Variants in ABCA4 observed in about 807,000 individuals in gnomAD.
ABCA4 encodes ATP binding cassette subfamily A member 4.
Under a neutral mutation model 263.7 loss-of-function variants are expected in ABCA4, and 196 were observed. The ratio of observed to expected loss-of-function variants is 0.74; its 90% CI spans 0.66 to 0.84. The LOEUF (loss-of-function observed/expected upper bound fraction) is 0.84. Ranked by LOEUF, ABCA4 falls within the 40% of genes least tolerant of loss-of-function variation. ABCA4 has a pLI of 0.00. For synonymous variants in ABCA4, 1,133 were observed against 1,094.2 expected, an observed-to-expected ratio of 1.04 and a Z score of -0.70; for missense variants, 2,792 against 2,855.1, an observed-to-expected ratio of 0.98 and a Z score of 0.50.
In ABCA4 at chr1:94,060,677, T is replaced by C. The variant is rs759410405; in HGVS notation, c.2020A>G (p.Ile674Val). The change falls in exon 14 of 50, where the codon ATC (isoleucine) becomes GTC (valine). Residue 674 changes from isoleucine to valine, a missense_variant. Coordinates refer to ENST00000370225, the MANE Select transcript of ABCA4 (RefSeq NM_000350.3). ...IYSVSMTVKS[I>V]VLEKELRLKE... is the part of the protein sequence containing the mutation. ...AGTCGCAACTCCTTCTCCAAGACGA[T>C]GCTCTTCACAGTCATGGAGACAGAG... 1 of 1,614,076 alleles carries C rather than the reference T, an allele frequency of 6.2e-7. No homozygotes were observed. Among genetic ancestry groups the C allele is most frequent in the Admixed American group, 1.7e-5 (1 of 60,006 alleles).
chr1:94,062,979 T>C (rs1661172781), intron 12 of ABCA4, 133 bp downstream of exon 12: 1 of 1,101,028 alleles, frequency 9.1e-7, no homozygotes, highest in Non-Finnish European at 1.4e-6. Context: ...TTGAGCTTTA[T>C]AAAATATCTT....
chr1:93,994,435 A>G (rs974061379), intron 49 of ABCA4, among the ~76,000 whole-genome samples: 3 of 152,272 alleles, frequency 2.0e-5, no homozygotes, highest in Admixed American at 2.0e-4. Flanking sequence ...CAATGGCCAG[A>G]TGAACCTCCT....
At chr1:94,008,942 C>G in intron 40 of ABCA4, 71 bp from the exon 41 acceptor site, 1 of 1,583,538 alleles carries the variant, frequency 6.3e-7, no homozygotes, top group Non-Finnish European at 8.6e-7. Flanking sequence ...TCCATGGGAC[C>G]TCTCTTCCAC....
chr1:94,056,794 G>C lies in ABCA4; in HGVS notation c.2189C>G (p.Pro730Arg), dbSNP rs559433489. Residue 730 changes from proline to arginine, a missense_variant, in exon 15 of 50, where the codon CCA (proline) becomes CGA (arginine). Coordinates refer to ENST00000370225, the MANE Select transcript of ABCA4 (RefSeq NM_000350.3). ...CAACAAGAACAGGAAGAGGATGAAT[G>C]GGTCGCTGTAATGTAGGATTCTTCC... ...MHGRILHYSDPFILFLFLLAF... is the reference protein window; with the variant it reads ...MHGRILHYSDRFILFLFLLAF... 1 of 1,610,472 alleles carries C rather than the reference G, an allele frequency of 6.2e-7. No homozygotes were observed. Among genetic ancestry groups the C allele is most frequent in the Middle Eastern group, 1.7e-4 (1 of 6,056 alleles).
intron 20 of ABCA4, 29 bp downstream of exon 20, chr1:94,044,583 TG>T (rs1481475077): frequency 1.9e-6 from 3 of 1,613,948 alleles, no homozygotes; most frequent in Non-Finnish European, 1.7e-6. Flanking sequence ...GGAGAGGGGA[TG>T]GGGCGGTCTC....
intron 38 of ABCA4, among the ~76,000 whole-genome samples, chr1:94,012,748 G>A (rs1325101688): frequency 6.6e-6 from 1 of 152,220 alleles, no homozygotes; most frequent in Non-Finnish European, 1.5e-5. Context: ...CTGTATTATG[G>A]AGGATCATAC....
rs200028095 is a variant in ABCA4, at chr1:94,024,936, A to C, written c.4634+18T>G. ...TACAGGGAGCCAGGATAAAAAGCAT[A>C]AAAGGATTTCTTCTTACCTGCTTCT... On this transcript the variant is annotated intron_variant, in intron 31 of 49. Transcript: ENST00000370225. 1 of 1,599,932 alleles carries C rather than the reference A, an allele frequency of 6.3e-7. No homozygotes were observed. The highest frequency in any genetic ancestry group is 2.2e-5 in the East Asian group (1 of 44,800).
At chr1:94,062,504 CCCAG>C in intron 13 of ABCA4, 69 bp downstream of exon 13, 2 of 1,555,936 alleles carry the variant, frequency 1.3e-6, no homozygotes, top group Non-Finnish European at 1.8e-6. Context: ...TGAGGGCACC[CCCAG>C]CCCACCCCAG....
intron 45 of ABCA4, chr1:94,001,426 G>A (rs1255919203): frequency 5.9e-6 from 3 of 505,658 alleles, no homozygotes; most frequent in African/African-American, 3.9e-5. Flanking sequence ...AGGTCACTCA[G>A]GTCACTTCCT....
chr1:94,001,071 C>T lies in ABCA4; in HGVS notation c.6317G>A (p.Arg2106His), dbSNP rs1057520213. The T allele has an allele frequency of 2.5e-6, 4 of 1,613,958 alleles. No individual in the cohort carries two copies. The highest frequency in any genetic ancestry group is 2.2e-5 in the South Asian group (2 of 91,084). ...CACGATGACGTTCCACAGCATGCGG[C>T]GTGCCTGGGGGTCCATCCCTGTGGT... Reference protein sequence around the residue: ...EPTTGMDPQARRMLWNVIVSI... With the variant: ...EPTTGMDPQAHRMLWNVIVSI... The change falls in exon 46 of 50, where the codon CGC (arginine) becomes CAC (histidine). Residue 2106 changes from arginine to histidine, a missense_variant. By Grantham distance (29) the Arg-to-His change is conservative (BLOSUM62 0). Coordinates refer to ENST00000370225, the MANE Select transcript of ABCA4 (RefSeq NM_000350.3).
rs113522573 is a variant in ABCA4, at chr1:94,089,531, G to A, written c.769-6090C>T. Among the ~76,000 whole-genome samples, 214 of 150,018 alleles carry A rather than the reference G, an allele frequency of 1.4e-3. 2 individuals are homozygous for A. Among genetic ancestry groups the A allele is most frequent in the African/African-American group, 4.8e-3 (196 of 40,768 alleles). ...CGCCTAGGTGGGAGTGCAGTGGCAC[G>A]ATCTCTGCTCACTGCTCCGCCTCCC... is the stretch of plus-strand genomic sequence containing the variant. On this transcript the variant is annotated intron_variant, in intron 6 of 49. Transcript: ENST00000370225.
At chr1:94,058,630 A>G (rs1191229) in intron 14 of ABCA4, among the ~76,000 whole-genome samples, 70,214 of 152,218 alleles carry the variant, frequency 0.46, 17,040 homozygotes, top group Non-Finnish European at 0.53. Flanking sequence ...CCAAAGTATT[A>G]GGGTTACAGG....
In ABCA4 at chr1:94,014,709, C is replaced by G. The variant is rs767779797; in HGVS notation, c.5313-19G>C. The stretch of plus-strand genomic sequence containing the variant: ...CGCCCATCTGTGTGAAATGAGACAA[C>G]TCAGAGTGATGGAGTTCCACATTCC... On this transcript the variant is annotated intron_variant, in intron 37 of 49. Coordinates refer to ENST00000370225, the MANE Select transcript of ABCA4 (RefSeq NM_000350.3). The G allele has an allele frequency of 2.7e-5, 43 of 1,613,986 alleles. No individual in the cohort carries two copies. Among genetic ancestry groups the G allele is most frequent in the Non-Finnish European group, 3.4e-5 (40 of 1,180,000 alleles).
chr1:94,110,325 T>C (rs559345448), intron 3 of ABCA4, among the ~76,000 whole-genome samples: 3 of 152,348 alleles, frequency 2.0e-5, no homozygotes, highest in South Asian at 2.1e-4. Context: ...CATGCAGCCA[T>C]AGTTTGTTCA....
At chr1:94,092,514 C>T (rs926733438) in intron 6 of ABCA4, among the ~76,000 whole-genome samples, 2 of 152,146 alleles carry the variant, frequency 1.3e-5, no homozygotes, top group Non-Finnish European at 1.5e-5. Context: ...CTAGGAAATG[C>T]GTCATCAGTG....
In ABCA4 at chr1:94,019,785, A is replaced by T. The variant is rs758316061; in HGVS notation, c.5019-26T>A. 1.1e-5 allele frequency: 17 copies of T among 1,603,116 alleles called. No individual in the cohort carries two copies. The South Asian group carries it at 1.6e-4, about 15-fold the overall frequency. On this transcript the variant is annotated intron_variant, in intron 35 of 49. Transcript: ENST00000370225. ...CTGCAGCAGGGCCAGAGACACAGGG[A>T]GAGGGCGATGAAGAGGGAAGAGCAG...
intron 28 of ABCA4, 51 bp downstream of exon 28, chr1:94,030,945 C>G: frequency 6.2e-7 from 1 of 1,612,832 alleles, no homozygotes; most frequent in South Asian, 1.1e-5. Context: ...CAGCATGTGA[C>G]CCAGGTGCCC....
Position 93,993,053 on chromosome 1 carries a change from G to C in ABCA4, c.*184C>G. ...TCAGGTGTTCCAGGTGAGCAAGTCA[G>C]TTTCGGTTTCCTTCTGAAAGACCTC... On this transcript the variant is annotated 3_prime_UTR_variant, in exon 50 of 50. Coordinates refer to ENST00000370225, the MANE Select transcript of ABCA4 (RefSeq NM_000350.3). 1 of 718,568 alleles carries C rather than the reference G, an allele frequency of 1.4e-6. No homozygotes were observed. The highest frequency in any genetic ancestry group is 1.7e-5 in the South Asian group (1 of 57,258). The allele number at this position is 718,568 out of a possible 1,614,324, so 44.5% of individuals were successfully genotyped here.
intron 47 of ABCA4, among the ~76,000 whole-genome samples, chr1:93,999,085 A>T (rs996347198): frequency 5.4e-5 from 8 of 148,838 alleles, no homozygotes; most frequent in African/African-American, 1.5e-4. Flanking sequence ...TTGCTGTTTC[A>T]CCCAGGCTGG....
Sources: gnomAD v4.1 joint callset for allele counts (sites outside exome capture counted in the v4.1 genomes callset) on GRCh38, gnomAD v4.1.1 for gene constraint, MANE v1.5 for transcripts, NCBI Gene and HGNC (gene_info 2026-07-23, HGNC 2026-07-21) for gene names.